Variants in BANP observed in about 807,000 individuals in gnomAD.
BANP encodes BTG3 associated nuclear protein.
In BANP, 11 loss-of-function variants were observed where a neutral mutation model predicts 68.1. That is an observed-to-expected ratio of 0.16 (90% CI 0.10 to 0.27). The LOEUF is 0.27. BANP is among the 10% of genes least tolerant of loss of function. The pLI is 1.00. For synonymous variants in BANP, 329 were observed against 303.2 expected, an observed-to-expected ratio of 1.09 and a Z score of -0.88; for missense variants, 504 against 722.7, an observed-to-expected ratio of 0.70 and a Z score of 3.47.
At chr16:87,964,266 G>A (rs1409733518) in intron 1 of BANP, among the ~76,000 whole-genome samples, 2 of 152,246 alleles carry the variant, frequency 1.3e-5, no homozygotes, top group East Asian at 3.9e-4. Context: ...CACTGGATGC[G>A]GTGCGGGCCA....
chr16:88,065,352 C>T lies in BANP; in HGVS notation c.1377+20C>T. The T allele has an allele frequency of 5.2e-6, 4 of 765,528 alleles. No homozygotes were observed. The highest frequency in any genetic ancestry group is 9.6e-6 in the Non-Finnish European group (4 of 415,390). The allele number at this position is 765,528 out of a possible 1,614,324, so 47.4% of individuals were successfully genotyped here. ...GGCCAGGTGAGTCCTTTGTACATCC[C>T]ATCTCTCCCACCCTCTGTGGCTGGG... On this transcript the variant is annotated intron_variant, in intron 12 of 13. Transcript: ENST00000682872.
At chr16:87,988,283 A>T (rs965425009) in intron 4 of BANP, among the ~76,000 whole-genome samples, 1 of 152,116 alleles carries the variant, frequency 6.6e-6, no homozygotes, top group African/African-American at 2.4e-5. Flanking sequence ...AGATATTTTG[A>T]GATGGAGTCT....
At chr16:88,049,371 G>A (rs79942946) in intron 11 of BANP, among the ~76,000 whole-genome samples, 2 of 152,210 alleles carry the variant, frequency 1.3e-5, no homozygotes, top group African/African-American at 4.8e-5. Flanking sequence ...AGGTACGGGG[G>A]AAGGGGCACA....
rs116185482 is a variant in BANP, at chr16:88,011,433, C to T, written c.655+5168C>T. Among the ~76,000 whole-genome samples the T allele has an allele frequency of 7.8e-3, 1,192 of 152,288 alleles. 13 individuals carry two copies. The highest frequency in any genetic ancestry group is 0.027 in the African/African-American group (1,120 of 41,556). ...TTGGACTCAGGTTCTCTGCGTGACC[C>T]GGAGGCGCAGGATCCTTTTTAACTC... On this transcript the variant is annotated intron_variant, in intron 6 of 13. Transcript: ENST00000682872.
intron 11 of BANP, among the ~76,000 whole-genome samples, chr16:88,055,663 C>CT (rs2084824662): frequency 1.3e-5 from 2 of 152,016 alleles, no homozygotes; most frequent in African/African-American, 2.4e-5. Context: ...TGCAGGGTGT[C>CT]TTTATCTATA....
chr16:88,063,067 G>A (rs1386703538), intron 11 of BANP, among the ~76,000 whole-genome samples: 1 of 152,260 alleles, frequency 6.6e-6, no homozygotes, highest in Non-Finnish European at 1.5e-5. Context: ...CCTCCTGTGT[G>A]TTTTAAGAGG....
chr16:88,028,304 G>A (rs72631417), intron 8 of BANP, among the ~76,000 whole-genome samples: 31,370 of 152,222 alleles, frequency 0.21, 4,393 homozygotes, highest in East Asian at 0.59. Flanking sequence ...GTCAGGATGC[G>A]AGGGCAGCCG....
chr16:87,982,579 C>A (rs1007861386), intron 3 of BANP: 3 of 152,228 alleles, frequency 2.0e-5, no homozygotes, highest in Non-Finnish European at 4.4e-5. Flanking sequence ...TGAGTGTCAT[C>A]ACGTGGGCTT....
At chr16:87,986,026 G>T (rs1017569353) in intron 4 of BANP, among the ~76,000 whole-genome samples, 6 of 152,206 alleles carry the variant, frequency 3.9e-5, no homozygotes, top group Non-Finnish European at 7.3e-5. Flanking sequence ...TGTGTGTGGA[G>T]AGTTTTTGTT....
intron 3 of BANP, among the ~76,000 whole-genome samples, chr16:87,982,998 G>A (rs963304747): frequency 2.0e-5 from 3 of 152,146 alleles, no homozygotes; most frequent in South Asian, 2.1e-4. Context: ...CCGGCCTCCC[G>A]CTCCCCTGTG....
At chr16:88,056,226 A>G (rs1479137257) in intron 11 of BANP, among the ~76,000 whole-genome samples, 1 of 152,240 alleles carries the variant, frequency 6.6e-6, no homozygotes, top group Non-Finnish European at 1.5e-5. Flanking sequence ...TGGAACTCCA[A>G]GGACTCTCTG....
At chr16:87,954,543 C>T (rs775369557) in intron 1 of BANP, among the ~76,000 whole-genome samples, 3 of 152,222 alleles carry the variant, frequency 2.0e-5, no homozygotes, top group Non-Finnish European at 4.4e-5. Flanking sequence ...AGCCTGTCAC[C>T]GTGGGACCTG....
chr16:87,958,448 T>C (rs776685646), intron 1 of BANP, among the ~76,000 whole-genome samples: 1 of 152,242 alleles, frequency 6.6e-6, no homozygotes, highest in African/African-American at 2.4e-5. Flanking sequence ...GAAACCACTC[T>C]TCTGTGATGT....
In BANP at chr16:87,973,753, CAA is replaced by C. The variant is rs58334556; in HGVS notation, c.-68-1275_-68-1274del. ...GGGCAACAGGAGCAAAACTCCATCA[CAA>C]AAAAAAAAAAAAAAAAAAAGAAAAA... On this transcript the variant is annotated intron_variant, in intron 1 of 13. Transcript: ENST00000682872. Among the ~76,000 whole-genome samples, 9 of 99,482 alleles carry C rather than the reference CAA, an allele frequency of 9.0e-5. No homozygotes were observed. The South Asian group carries it at 1.8e-3, about 20-fold the overall frequency. The allele number at this position is 99,482 out of a possible 152,430, so 65.3% of individuals were successfully genotyped here.
intron 11 of BANP, among the ~76,000 whole-genome samples, chr16:88,044,425 C>T (rs569427463): frequency 6.6e-6 from 1 of 152,264 alleles, no homozygotes; most frequent in African/African-American, 2.4e-5. Flanking sequence ...AACAGGTCCA[C>T]AGAACGGTAT....
At chr16:87,977,650 A>G (rs550634402) in intron 2 of BANP, among the ~76,000 whole-genome samples, 13 of 152,230 alleles carry the variant, frequency 8.5e-5, no homozygotes, top group South Asian at 2.1e-4. Flanking sequence ...CCATAATTCT[A>G]CTGGTTGTAG....
At chr16:88,065,886 G>GT (rs2088419218) in intron 12 of BANP, among the ~76,000 whole-genome samples, 1 of 152,078 alleles carries the variant, frequency 6.6e-6, no homozygotes, top group Non-Finnish European at 1.5e-5. Context: ...CAGCGGAGCA[G>GT]CTCCCCTCTG....
chr16:88,006,112 A>G lies in BANP; in HGVS notation c.502A>G (p.Asn168Asp). 1 of 1,613,814 alleles carries G rather than the reference A, an allele frequency of 6.2e-7. No homozygotes were observed. Among genetic ancestry groups the G allele is most frequent in the Non-Finnish European group, 8.5e-7 (1 of 1,179,860 alleles). ...TAGCGCTGTGCCTGGGCGTCGGCAG[A>G]ACACCATTGTGGTGAAGGTGCCGGG... ...ISNAVPGRRQ[N>D]TIVVKVPGQE... The change falls in exon 6 of 14, where the codon AAC becomes GAC. Residue 168 changes from asparagine (N) to aspartate (D), a missense_variant. Transcript: ENST00000682872.
intron 13 of BANP, among the ~76,000 whole-genome samples, chr16:88,074,720 G>T (rs1408076528): frequency 6.6e-6 from 1 of 151,746 alleles, no homozygotes; most frequent in African/African-American, 2.4e-5. Context: ...ATGGCCTTCA[G>T]CCACCCACCC....
Sources: allele counts gnomAD v4.1 joint callset (sites outside exome capture counted in the v4.1 genomes callset), GRCh38; gene constraint gnomAD v4.1.1; transcripts MANE v1.5; gene names NCBI Gene and HGNC (gene_info 2026-07-23, HGNC 2026-07-21).